Variants in FANCD2 observed in about 807,000 individuals in gnomAD.
FANCD2 encodes Fanconi anemia group D2 protein.
FANCD2 carries 131 observed loss-of-function variants against 192.3 expected under a neutral mutation model. The ratio of observed to expected loss-of-function variants is 0.68; its 90% CI spans 0.59 to 0.79. The LOEUF (loss-of-function observed/expected upper bound fraction) is 0.79, where lower values mean the gene tolerates loss of function less well. FANCD2 is among the 30% of genes least tolerant of loss of function. The pLI, the probability that FANCD2 is intolerant of heterozygous loss-of-function variation, is 0.00. For synonymous variants in FANCD2, 524 were observed against 612.5 expected (o/e 0.86, Z 2.13); for missense variants, 1,508 against 1,701.6 (o/e 0.89, Z 2.00).
rs756066137 is a variant in FANCD2, at chr3:10,062,144, T to C, written c.1767-7T>C. The C allele has an allele frequency of 1.9e-6, 3 of 1,608,134 alleles. No individual in the cohort carries two copies. The highest frequency in any genetic ancestry group is 3.3e-5 in the Admixed American group (2 of 59,830). ...TAATAATTTAAAAAAAAATTCTTTG[T>C]TTTTAGAAGTGAATCACCTAGTTTG... On this transcript the variant is annotated splice_region_variant and splice_polypyrimidine_tract_variant and intron_variant, in intron 19 of 43. Coordinates refer to ENST00000675286, the MANE Select transcript of FANCD2 (RefSeq NM_001018115.3).
At chr3:10,094,150 CT>C in intron 39 of FANCD2, 138 bp from the exon 40 acceptor site, 1 of 699,608 alleles carries the variant, frequency 1.4e-6, no homozygotes, top group Non-Finnish European at 2.5e-6. Flanking sequence ...CCAAATAAAC[CT>C]TTTGGACCCT....
chr3:10,035,028 C>G (rs1355575011), intron 5 of FANCD2, 145 bp from the exon 6 acceptor site: 1 of 729,210 alleles, frequency 1.4e-6, no homozygotes, highest in Non-Finnish European at 2.3e-6. Flanking sequence ...TTGCAAAGAG[C>G]CATCTGCTCA....
At chr3:10,041,587 C>T (rs1490416130) in intron 9 of FANCD2, 36 bp from the exon 10 acceptor site, 1 of 1,419,938 alleles carries the variant, frequency 7.0e-7, no homozygotes, top group African/African-American at 1.4e-5. Context: ...CTGTTCAAAC[C>T]ATTATACAAC....
At chr3:10,045,193 G>T (rs2086970296) in intron 14 of FANCD2, among the ~76,000 whole-genome samples, 1 of 150,360 alleles carries the variant, frequency 6.7e-6, no homozygotes, top group African/African-American at 2.5e-5. Flanking sequence ...TTTTGAGACG[G>T]GTTCTCACTC....
intron 42 of FANCD2, among the ~76,000 whole-genome samples, chr3:10,097,401 G>A (rs141097910): frequency 2.6e-5 from 4 of 152,152 alleles, no homozygotes; most frequent in African/African-American, 9.7e-5. Flanking sequence ...GTACACCCGG[G>A]GGGGCCCAGT....
chr3:10,075,410 C>T (rs1414004452), intron 29 of FANCD2, among the ~76,000 whole-genome samples: 2 of 152,174 alleles, frequency 1.3e-5, no homozygotes, highest in African/African-American at 4.8e-5. Context: ...TGGTCTCGAT[C>T]TCCTGACCTC....
In FANCD2 at chr3:10,093,350, A is replaced by C. The variant is rs56402413; in HGVS notation, c.3888+27A>C. The C allele has an allele frequency of 6.7e-5, 106 of 1,582,230 alleles. 1 individual carries two copies. The East Asian group carries it at 2.3e-3, about 35-fold the overall frequency. Reference sequence around the variant, plus strand: ...TGAGAGATTTACTGGGCCCTGTTTCATATTTATTCTTCCTGTGGATCACTC... The same window carrying C: ...TGAGAGATTTACTGGGCCCTGTTTCCTATTTATTCTTCCTGTGGATCACTC... On this transcript the variant is annotated intron_variant, in intron 39 of 43. Transcript: ENST00000675286.
At chr3:10,033,297 C>T (rs546657500) in intron 3 of FANCD2, among the ~76,000 whole-genome samples, 3 of 152,026 alleles carry the variant, frequency 2.0e-5, no homozygotes, top group Admixed American at 2.0e-4. Context: ...GCTGCTTGGG[C>T]GCCTGAGTCA....
chr3:10,035,200 C>T lies in FANCD2; in HGVS notation c.405C>T (p.Leu135=), dbSNP rs1466330342. The T allele has an allele frequency of 1.2e-6, 2 of 1,613,566 alleles. No individual in the cohort carries two copies. The highest frequency in any genetic ancestry group is 3.3e-4 in the Middle Eastern group (2 of 6,062). ...TGGGTGCATCTTATTCTAAGAGTCTCATCAAACTGCTTCTGGGGATTGACA... is the reference window on the plus strand; with the variant it reads ...TGGGTGCATCTTATTCTAAGAGTCTTATCAAACTGCTTCTGGGGATTGACA... The part of the protein sequence containing the change: ...ASMGASYSKS[L]IKLLLGIDIL... Residue 135 remains leucine (L), a synonymous_variant, in exon 6 of 44, where the codon CTC becomes CTT. Transcript: ENST00000675286.
At chr3:10,060,202 G>A in intron 18 of FANCD2, 92 bp from the exon 19 acceptor site, 4 of 775,222 alleles carry the variant, frequency 5.2e-6, no homozygotes, top group South Asian at 3.0e-5. Flanking sequence ...AACGGTAAAC[G>A]CCTTTATAGT....
intron 5 of FANCD2, 93 bp downstream of exon 5, chr3:10,034,891 C>T: frequency 2.1e-6 from 2 of 964,282 alleles, no homozygotes; most frequent in South Asian, 1.4e-5. Flanking sequence ...TTTCAAATTT[C>T]ATTTTTGGTG....
intron 34 of FANCD2, among the ~76,000 whole-genome samples, chr3:10,087,814 A>G (rs984869121): frequency 6.6e-6 from 1 of 151,862 alleles, no homozygotes. Flanking sequence ...GTGCCCAGCC[A>G]ATTTTTGTAT....
chr3:10,039,015 C>T (rs534306468), intron 7 of FANCD2, among the ~76,000 whole-genome samples: 136 of 152,250 alleles, frequency 8.9e-4, no homozygotes, highest in Admixed American at 2.7e-3. Context: ...TGCTGTCTAG[C>T]CCTGTCATCC....
At chr3:10,091,507 G>A (rs976790830) in intron 37 of FANCD2, among the ~76,000 whole-genome samples, 7 of 151,912 alleles carry the variant, frequency 4.6e-5, no homozygotes, top group African/African-American at 1.7e-4. Context: ...TATACCGGCT[G>A]TAGCTTCTCT....
rs200561665 is a variant in FANCD2 at position 10,060,422 on chromosome 3, A to G, written c.1766+19A>G. 87 of 1,577,182 alleles carry G rather than the reference A, an allele frequency of 5.5e-5. 1 individual carries two copies. The Admixed American group carries it at 6.8e-4, about 12-fold the overall frequency. On this transcript the variant is annotated intron_variant, in intron 19 of 43. Transcript: ENST00000675286. Reference sequence around the variant, plus strand: ...CAGACAGGTACACGTGGAGATTCTGACTTCTGTGGTTTAAGATCAGTTAAT... The same window carrying G: ...CAGACAGGTACACGTGGAGATTCTGGCTTCTGTGGTTTAAGATCAGTTAAT...
At chr3:10,090,093 G>A (rs2125080783) in intron 36 of FANCD2, among the ~76,000 whole-genome samples, 199 bp from the exon 37 acceptor site, 1 of 152,240 alleles carries the variant, frequency 6.6e-6, no homozygotes, top group Admixed American at 6.5e-5. Flanking sequence ...CTTTCATAAA[G>A]TTAATTCCAT....
intron 19 of FANCD2, 75 bp from the exon 20 acceptor site, chr3:10,062,076 A>C: frequency 9.0e-7 from 1 of 1,112,944 alleles, no homozygotes; most frequent in Admixed American, 2.0e-5. Context: ...ATATGTAACA[A>C]ACCTGCACGT....
At chr3:10,086,041 G>T in intron 33 of FANCD2, 119 bp downstream of exon 33, 1 of 728,148 alleles carries the variant, frequency 1.4e-6, no homozygotes, top group East Asian at 2.6e-5. Flanking sequence ...ATTATTTTCA[G>T]CTACTCTCCT....
At position 10,034,499 on chromosome 3, in the gene FANCD2, T is replaced by G. The variant is rs762788048; in HGVS notation, c.236T>G (p.Leu79Arg). The G allele has an allele frequency of 1.9e-6, 3 of 1,613,250 alleles. No homozygotes were observed. In the African/African-American group the frequency reaches 4.0e-5, roughly 22 times the overall value. ...AVDQIAFQKK[L>R]FQTLRRHPSY... is the part of the protein sequence containing the mutation. Reference sequence around the variant, plus strand: ...GATCAAATAGCTTTCCAAAAGAAGCTCTTTCAGACCCTGAGGAGACACCCT... The same window carrying G: ...GATCAAATAGCTTTCCAAAAGAAGCGCTTTCAGACCCTGAGGAGACACCCT... Residue 79 changes from leucine (L) to arginine (R), a missense_variant, in exon 4 of 44, where the codon CTC becomes CGC. Physicochemically the swap from Leu to Arg is moderately radical, Grantham distance 102 (BLOSUM62 -2). Around this residue, in one of 5 missense-constraint regions of FANCD2, gnomAD observed 435 missense variants for 421.9 expected, o/e 1.03. Transcript: ENST00000675286.
Sources: gnomAD v4.1 joint callset for allele counts (sites outside exome capture counted in the v4.1 genomes callset) on GRCh38, gnomAD v4.1.1 for gene constraint, gnomAD v4.1.1 regional missense constraint, MANE v1.5 for transcripts, NCBI Gene and HGNC (gene_info 2026-07-23, HGNC 2026-07-21) for gene names.